SLC24A2: variants seen among roughly 807,000 people sequenced by gnomAD.
The protein encoded by SLC24A2 is solute carrier family 24 member 2, also known as sodium/potassium/calcium exchanger 2.
Under a neutral mutation model 62.0 loss-of-function variants are expected in SLC24A2, and 36 were observed. The observed-to-expected ratio is 0.58, with a 90% CI of 0.44 to 0.77. The LOEUF is 0.77. Ranked by LOEUF, SLC24A2 falls within the 30% of genes least tolerant of loss-of-function variation. The pLI, the probability that SLC24A2 is intolerant of heterozygous loss-of-function variation, is 0.00. For synonymous variants in SLC24A2, 358 were observed against 294.0 expected, an observed-to-expected ratio of 1.22 and a Z score of -2.23; for missense variants, 846 against 817.9, an observed-to-expected ratio of 1.03 and a Z score of -0.42.
chr9:20,072,274 C>T, the SLC24A2 span, among the ~76,000 whole-genome samples: 1 of 152,134 alleles, frequency 6.6e-6, no homozygotes, highest in African/African-American at 2.4e-5. Flanking sequence ...ACATTCCTTC[C>T]TCCAGAGTAT....
intron 2 of SLC24A2, among the ~76,000 whole-genome samples, chr9:19,754,169 G>A (rs1822064052): frequency 6.6e-6 from 1 of 152,054 alleles, no homozygotes; most frequent in Admixed American, 6.6e-5. Flanking sequence ...TCTGTCAAAG[G>A]AGCCACATCC....
chr9:19,690,917 G>A (rs1820025966), intron 2 of SLC24A2, among the ~76,000 whole-genome samples: 1 of 122,478 alleles, frequency 8.2e-6, no homozygotes. Flanking sequence ...GTGTGTGCGT[G>A]TGAGAGAGAG....
rs1819464997 is a variant in SLC24A2 at position 19,673,143 on chromosome 9, C to G, written c.931-50844G>C. ...GTTCTGTCAGAGGAGTATTGAAGTC[C>G]TCCAATATTAATTGTGTTGCCATGT... On this transcript the variant is annotated intron_variant, in intron 2 of 10. Transcript: ENST00000341998. Among the ~76,000 whole-genome samples the G allele has an allele frequency of 1.4e-5, 2 of 146,304 alleles. 1 individual carries two copies.
At chr9:19,592,608 C>T (rs1009675389) in intron 5 of SLC24A2, among the ~76,000 whole-genome samples, 4 of 149,642 alleles carry the variant, frequency 2.7e-5, no homozygotes, top group Non-Finnish European at 5.9e-5. Flanking sequence ...ATTACTAATT[C>T]TATATACTGC....
chr9:19,585,959 A>T lies in SLC24A2; in HGVS notation c.1130-8937T>A, dbSNP rs1333929239. Among the ~76,000 whole-genome samples the T allele has an allele frequency of 3.3e-5, 5 of 152,342 alleles. No homozygotes were observed. In the South Asian group the frequency reaches 6.2e-4, roughly 19 times the overall value. Reference sequence around the variant, plus strand: ...CTAGCAGGGTCACCTTATCGTTAGAAATATGAACGTGCTTTTGTAATTGGT... The same window carrying T: ...CTAGCAGGGTCACCTTATCGTTAGATATATGAACGTGCTTTTGTAATTGGT... On this transcript the variant is annotated intron_variant, in intron 5 of 10. Coordinates refer to ENST00000341998, the MANE Select transcript of SLC24A2 (RefSeq NM_020344.4).
chr9:20,285,284 A>G, the SLC24A2 span, among the ~76,000 whole-genome samples: 1 of 152,218 alleles, frequency 6.6e-6, no homozygotes, highest in Non-Finnish European at 1.5e-5. Context: ...AATAGGATGT[A>G]TATATAATAT....
chr9:19,549,044 T>G (rs1041917876), intron 8 of SLC24A2, among the ~76,000 whole-genome samples: 1 of 152,170 alleles, frequency 6.6e-6, no homozygotes, highest in African/African-American at 2.4e-5. Flanking sequence ...TCAACAACAG[T>G]GGGTGGGTGT....
At chr9:19,594,288 C>G (rs1836642536) in intron 5 of SLC24A2, among the ~76,000 whole-genome samples, 1 of 151,980 alleles carries the variant, frequency 6.6e-6, no homozygotes, top group Admixed American at 6.6e-5. Flanking sequence ...AACTGCCCAC[C>G]CTTTACTCTT....
At chr9:19,936,585 A>C in the SLC24A2 span, among the ~76,000 whole-genome samples, 4 of 152,188 alleles carry the variant, frequency 2.6e-5, no homozygotes, top group African/African-American at 7.2e-5. Flanking sequence ...AAATGAGACA[A>C]CTTACAATAG....
intron 7 of SLC24A2, among the ~76,000 whole-genome samples, chr9:19,563,893 G>A (rs1001579604): frequency 5.9e-5 from 8 of 136,640 alleles, no homozygotes; most frequent in Admixed American, 8.1e-5. Flanking sequence ...CTCCTTTGTA[G>A]CCTAGGCTGG....
intron 7 of SLC24A2, among the ~76,000 whole-genome samples, chr9:19,551,403 A>AG (rs892642301): frequency 5.3e-5 from 8 of 152,056 alleles, no homozygotes; most frequent in African/African-American, 1.7e-4. Context: ...GAAGAGATGG[A>AG]GGGGGAGGGT....
chr9:19,705,436 C>A, intron 2 of SLC24A2: 2 of 172,572 alleles, frequency 1.2e-5, no homozygotes, highest in East Asian at 1.5e-4. Context: ...AGGGGCTGCT[C>A]ATGCAGCACC....
the SLC24A2 span, among the ~76,000 whole-genome samples, chr9:19,955,269 A>G: frequency 6.7e-4 from 102 of 152,158 alleles, 3 homozygotes; most frequent in East Asian, 0.018. Context: ...GAGAAAGGTG[A>G]TACTATTCAT....
the SLC24A2 span, among the ~76,000 whole-genome samples, chr9:20,253,880 A>G: frequency 6.6e-6 from 1 of 152,114 alleles, no homozygotes; most frequent in Non-Finnish European, 1.5e-5. Flanking sequence ...CACCGCAATT[A>G]CTTCTTAGAA....
the SLC24A2 span, among the ~76,000 whole-genome samples, chr9:19,903,433 T>C: frequency 2.0e-5 from 3 of 152,198 alleles, no homozygotes; most frequent in Admixed American, 6.5e-5. Context: ...TCCCAAAGGC[T>C]TACCTCCAAA....
chr9:19,892,555 A>T, the SLC24A2 span, among the ~76,000 whole-genome samples: 17 of 152,310 alleles, frequency 1.1e-4, no homozygotes, highest in Non-Finnish European at 2.2e-4. Context: ...CACTGTCCAC[A>T]CATCCTCAAA....
intron 2 of SLC24A2, among the ~76,000 whole-genome samples, chr9:19,722,075 AG>A (rs1479260243): frequency 6.6e-6 from 1 of 152,168 alleles, no homozygotes; most frequent in Non-Finnish European, 1.5e-5. Context: ...ACTACCTGTC[AG>A]ATGCTATTAT....
intron 2 of SLC24A2, among the ~76,000 whole-genome samples, chr9:19,728,758 G>A (rs573387998): frequency 6.6e-6 from 1 of 152,228 alleles, no homozygotes; most frequent in East Asian, 1.9e-4. Flanking sequence ...TTTTTGTATA[G>A]CCAGAGACTC....
the SLC24A2 span, among the ~76,000 whole-genome samples, chr9:19,966,845 TTAG>T: frequency 1.3e-5 from 2 of 152,184 alleles, no homozygotes; most frequent in Non-Finnish European, 2.9e-5. Flanking sequence ...AGCAATTGAA[TTAG>T]TAGAAGAAAT....
Sources: gnomAD v4.1 joint callset for allele counts (sites outside exome capture counted in the v4.1 genomes callset) on GRCh38, gnomAD v4.1.1 for gene constraint, MANE v1.5 for transcripts, NCBI Gene and HGNC (gene_info 2026-07-23, HGNC 2026-07-21) for gene names.